UNC80: variants seen among roughly 807,000 people sequenced by gnomAD.
UNC80 encodes unc-80 subunit of NALCN channel complex.
A neutral mutation model predicts 384.6 loss-of-function variants in UNC80; 164 were observed. That is an observed-to-expected ratio of 0.43 (90% CI 0.38 to 0.49). UNC80 has a LOEUF of 0.49. Ranked by LOEUF, UNC80 falls within the 20% of genes least tolerant of loss-of-function variation. UNC80 has a pLI of 0.00. For missense variants in UNC80, 3,330 were observed against 4,143.0 expected (o/e 0.80, Z 5.39); for synonymous variants, 1,486 against 1,527.8 (o/e 0.97, Z 0.64).
intron 15 of UNC80, among the ~76,000 whole-genome samples, chr2:209,829,744 A>G (rs934798367): frequency 6.6e-6 from 1 of 152,186 alleles, no homozygotes; most frequent in African/African-American, 2.4e-5. Flanking sequence ...AACGGATGTG[A>G]AATGAGTATC....
intron 33 of UNC80, among the ~76,000 whole-genome samples, chr2:209,921,037 A>AG: frequency 6.6e-6 from 1 of 152,260 alleles, no homozygotes; most frequent in African/African-American, 2.4e-5. Context: ...CATGTTGCTC[A>AG]GGCTGGTCTC....
chr2:209,903,392 TTATA>T (rs1227450964), intron 28 of UNC80, among the ~76,000 whole-genome samples: 1 of 119,520 alleles, frequency 8.4e-6, no homozygotes, highest in African/African-American at 3.2e-5. Flanking sequence ...GTATATATAT[TTATA>T]TATATATTAT....
chr2:209,836,674 T>C (rs1488864839), intron 18 of UNC80, among the ~76,000 whole-genome samples: 3 of 152,202 alleles, frequency 2.0e-5, no homozygotes, highest in Non-Finnish European at 4.4e-5. Flanking sequence ...AAGGTAAGCA[T>C]GTCAAATGTC....
intron 23 of UNC80, 107 bp downstream of exon 23, chr2:209,873,077 T>C: frequency 1.9e-6 from 2 of 1,046,206 alleles, no homozygotes; most frequent in Admixed American, 4.5e-5. Flanking sequence ...GTGTTTGTTA[T>C]GTACCAGGTA....
intron 5 of UNC80, among the ~76,000 whole-genome samples, chr2:209,787,524 C>T (rs1281556374): frequency 6.6e-6 from 1 of 152,016 alleles, no homozygotes; most frequent in Non-Finnish European, 1.5e-5. Context: ...AGTTTTGCGC[C>T]ACATAACAGC....
At chr2:209,801,555 G>T (rs2078556287) in intron 7 of UNC80, among the ~76,000 whole-genome samples, 1 of 151,400 alleles carries the variant, frequency 6.6e-6, no homozygotes, top group African/African-American at 2.4e-5. Flanking sequence ...ACTAATTTTT[G>T]TATTTTTAGT....
chr2:209,985,797 A>G (rs1203197189), intron 61 of UNC80, among the ~76,000 whole-genome samples: 1 of 152,194 alleles, frequency 6.6e-6, no homozygotes, highest in Non-Finnish European at 1.5e-5. Flanking sequence ...TAGTGAGTAC[A>G]ATACACCCGT....
At position 209,840,614 on chromosome 2, in the gene UNC80, T is replaced by C. The variant is rs1202351395; in HGVS notation, c.3323T>C (p.Val1108Ala). Residue 1108 changes from valine to alanine, a missense_variant, in exon 20 of 65, where the codon GTG becomes GCG. By Grantham distance (64) the Val-to-Ala change is moderately conservative. Transcript: ENST00000673920. ...GAGGACCTCCTGGACATTAGCTCTG[T>C]GGACCGACTCTCTTTCATCAGGCAA... is the stretch of plus-strand genomic sequence containing the variant. ...GVEDLLDISSVDRLSFIRQSS... is the reference protein window; with the variant it reads ...GVEDLLDISSADRLSFIRQSS... The C allele has an allele frequency of 2.6e-6, 4 of 1,551,954 alleles. No homozygotes were observed. Among genetic ancestry groups the C allele is most frequent in the Non-Finnish European group, 3.5e-6 (4 of 1,147,038 alleles).
chr2:209,937,403 A>G, intron 41 of UNC80, 126 bp from the exon 42 acceptor site: 1 of 693,840 alleles, frequency 1.4e-6, no homozygotes, highest in Admixed American at 2.5e-5. Context: ...TGTTTAGTAC[A>G]TTGCCTTTAG....
chr2:209,820,553 T>C lies in UNC80; in HGVS notation c.2205T>C (p.Ser735=). The C allele has an allele frequency of 6.4e-7, 1 of 1,550,862 alleles. No homozygotes were observed. Among genetic ancestry groups the C allele is most frequent in the South Asian group, 1.2e-5 (1 of 83,996 alleles). Residue 735 remains serine (S), a synonymous_variant, in exon 13 of 65, where the codon AGT becomes AGC. Transcript: ENST00000673920. ...GTGGATTCGGAGGCCCTGCTGTTAG[T>C]GGAGCTGGAGATGGTGGAGGAGAAG... ...STCGFGGPAV[S]GAGDGGGEEG...
chr2:209,855,482 G>A (rs915847990), intron 22 of UNC80, among the ~76,000 whole-genome samples: 4 of 151,860 alleles, frequency 2.6e-5, no homozygotes, highest in Admixed American at 6.6e-5. Flanking sequence ...AAAATAAAAT[G>A]AAACAAAATG....
At chr2:209,994,407 T>A (rs375977592) in intron 64 of UNC80, 143 bp downstream of exon 64, 9 of 703,498 alleles carry the variant, frequency 1.3e-5, no homozygotes, top group East Asian at 3.0e-5. Flanking sequence ...CCTGCCATCA[T>A]GAAAGAGAAA....
chr2:209,834,914 C>A lies in UNC80; in HGVS notation c.2945C>A (p.Ser982Ter). The A allele has an allele frequency of 1.3e-6, 2 of 1,549,228 alleles. No homozygotes were observed. The highest frequency in any genetic ancestry group is 2.4e-5 in the South Asian group (2 of 83,928). Residue 982 changes from serine to a stop codon, truncating the protein, a stop_gained and splice_region_variant, in exon 18 of 65, where the codon TCA (serine) becomes TAA (stop). Coordinates refer to ENST00000673920, the MANE Select transcript of UNC80 (RefSeq NM_001371986.1). LOFTEE classifies it high-confidence loss of function. ...GTTGGAATGCACCATTTGCATAGGT[C>A]AGAGGCGGGAAGCATTGTGGATAAA... is the stretch of plus-strand genomic sequence containing the variant. ...QESKPAGSKR[S>*]EAGSIVDKGQ...
chr2:209,831,784 A>G (rs961224259), intron 16 of UNC80, among the ~76,000 whole-genome samples, 193 bp downstream of exon 16: 3 of 152,174 alleles, frequency 2.0e-5, no homozygotes, highest in African/African-American at 7.2e-5. Context: ...CTTGTTACTC[A>G]TTATCCTATT....
intron 1 of UNC80, 57 bp downstream of exon 1, chr2:209,772,221 C>T (rs2076614192): frequency 1.8e-6 from 2 of 1,107,758 alleles, no homozygotes; most frequent in Non-Finnish European, 2.3e-6. Context: ...GCTCCTGGGG[C>T]CGCCCGGGTC....
In UNC80 at chr2:209,852,789, G is replaced by A. The variant is rs1254998424; in HGVS notation, c.3627+3166G>A. On this transcript the variant is annotated intron_variant, in intron 22 of 64. Coordinates refer to ENST00000673920, the MANE Select transcript of UNC80 (RefSeq NM_001371986.1). ...ATGTTTTCTGCTAAAGGTATTTTTA[G>A]CTTTTGTTTCCTTTGTATTTGGTTT... is the stretch of plus-strand genomic sequence containing the variant. Among the ~76,000 whole-genome samples, 18 of 152,092 alleles carry A rather than the reference G, an allele frequency of 1.2e-4. 1 individual carries two copies. The highest frequency in any genetic ancestry group is 1.2e-3 in the Admixed American group (18 of 15,236).
At position 209,839,558 on chromosome 2, in the gene UNC80, C is replaced by T. The variant is rs1201235835; in HGVS notation, c.3250+128C>T. The T allele has an allele frequency of 2.8e-5, 26 of 932,428 alleles. No homozygotes were observed. The highest frequency in any genetic ancestry group is 4.0e-5 in the Non-Finnish European group (25 of 625,520). The allele number at this position is 932,428 out of a possible 1,614,324, so 57.8% of individuals were successfully genotyped here. A position where few individuals can be genotyped will look rare whatever the true frequency, so the allele number is the denominator to read the frequency against. ...TCATAAGACCTAGACTGACTTCATT[C>T]ATTCATTCATTTAATTTTTCCCACA... is the stretch of plus-strand genomic sequence containing the variant. On this transcript the variant is annotated intron_variant, in intron 19 of 64. Coordinates refer to ENST00000673920, the MANE Select transcript of UNC80 (RefSeq NM_001371986.1). This position sits in a 1 kb window ranked among gnomAD's most constrained non-coding sequence, Gnocchi z 4.1.
intron 4 of UNC80, 139 bp from the exon 5 acceptor site, chr2:209,785,927 T>G: frequency 2.1e-6 from 2 of 947,542 alleles, no homozygotes; most frequent in Non-Finnish European, 3.1e-6. Flanking sequence ...AACATTCATC[T>G]GACTAATGAG....
intron 48 of UNC80, among the ~76,000 whole-genome samples, chr2:209,955,738 T>TATATATATATAC (rs1437539911): frequency 2.2e-4 from 12 of 53,536 alleles, no homozygotes; most frequent in Admixed American, 5.0e-4. Flanking sequence ...TATATATATA[T>TATATATATATAC]ACACACACAC....
Sources: gnomAD v4.1 joint callset for allele counts (sites outside exome capture counted in the v4.1 genomes callset) on GRCh38, gnomAD v4.1.1 for gene constraint, Gnocchi (gnomAD v3.1) non-coding constraint, MANE v1.5 for transcripts, NCBI Gene and HGNC (gene_info 2026-07-23, HGNC 2026-07-21) for gene names.